Variants in COL4A2 observed in about 807,000 individuals in gnomAD.
COL4A2 encodes the protein collagen alpha-2(IV) chain.
Under a neutral mutation model 200.2 loss-of-function variants are expected in COL4A2, and 99 were observed. The observed-to-expected ratio is 0.49, with a 90% CI of 0.42 to 0.58. The LOEUF (loss-of-function observed/expected upper bound fraction) is 0.58. Among genes scored for constraint, COL4A2 ranks in the 20% least tolerant of loss-of-function variants. The pLI is 0.00. For synonymous variants in COL4A2, 897 were observed against 900.6 expected (o/e 1.00, Z 0.07); for missense variants, 1,950 against 2,314.1 (o/e 0.84, Z 3.23).
intron 25 of COL4A2, among the ~76,000 whole-genome samples, 164 bp from the exon 26 acceptor site, chr13:110,465,839 G>A (rs149570755): frequency 5.3e-5 from 8 of 152,286 alleles, no homozygotes; most frequent in Non-Finnish European, 8.8e-5. Flanking sequence ...GGCCTTGCCC[G>A]GAAGTTCAGA....
chr13:110,319,451 A>G (rs978724921), intron 3 of COL4A2, among the ~76,000 whole-genome samples: 2 of 152,236 alleles, frequency 1.3e-5, no homozygotes, highest in African/African-American at 4.8e-5. Flanking sequence ...GCAACATGAC[A>G]TAAAAATGCA....
intron 4 of COL4A2, among the ~76,000 whole-genome samples, chr13:110,408,529 G>C (rs1298461448): frequency 6.6e-6 from 1 of 152,224 alleles, no homozygotes; most frequent in Non-Finnish European, 1.5e-5. Context: ...GATGTGAGAG[G>C]TGTTGCCACT....
chr13:110,414,434 G>A (rs910576423), intron 4 of COL4A2, among the ~76,000 whole-genome samples: 4 of 152,224 alleles, frequency 2.6e-5, no homozygotes, highest in African/African-American at 9.6e-5. Flanking sequence ...CCCCGTTGTT[G>A]GTACTTTGGC....
At chr13:110,339,339 TC>T (rs1199678989) in intron 3 of COL4A2, among the ~76,000 whole-genome samples, 1 of 152,220 alleles carries the variant, frequency 6.6e-6, no homozygotes, top group Admixed American at 6.5e-5. Flanking sequence ...ATGGAGGGAA[TC>T]ACTGGTGCTT....
intron 3 of COL4A2, among the ~76,000 whole-genome samples, chr13:110,320,700 G>A (rs1885253297): frequency 6.6e-6 from 1 of 152,180 alleles, no homozygotes; most frequent in Non-Finnish European, 1.5e-5. Context: ...GAAAATAAGT[G>A]TATTTAAAAG....
intron 3 of COL4A2, among the ~76,000 whole-genome samples, chr13:110,315,567 C>T (rs529717479): frequency 1.2e-4 from 19 of 152,206 alleles, no homozygotes; most frequent in African/African-American, 2.2e-4. Flanking sequence ...AGCTAACTTA[C>T]GTATTTTTAG....
rs117002670 is a variant in COL4A2, at chr13:110,342,758, C to T, written c.100-14714C>T. On this transcript the variant is annotated intron_variant, in intron 3 of 47. Coordinates refer to ENST00000360467, the MANE Select transcript of COL4A2 (RefSeq NM_001846.4). ...CAAAGCAAATCAAGTTTCTCCCAAA[C>T]ACAGTGCCATTCAGAGCAAACCAAA... 8.8e-3 allele frequency among the ~76,000 whole-genome samples: 1,341 copies of T among 152,300 alleles called. 15 individuals are homozygous for T. The highest frequency in any genetic ancestry group is 0.015 in the Non-Finnish European group (1,010 of 68,020).
chr13:110,459,730 T>C (rs1409383810), intron 22 of COL4A2: 2 of 152,234 alleles, frequency 1.3e-5, no homozygotes, highest in Non-Finnish European at 2.9e-5. Context: ...CTTTGTGCTA[T>C]ATGAATTATA....
chr13:110,398,104 T>TC (rs1879245147), intron 4 of COL4A2, among the ~76,000 whole-genome samples: 1 of 151,172 alleles, frequency 6.6e-6, no homozygotes, highest in Admixed American at 6.6e-5. Flanking sequence ...GATTTTTTCT[T>TC]TTTTTTTTTC....
chr13:110,507,895 G>C lies in COL4A2; in HGVS notation c.4595-40G>C, dbSNP rs73618169. The C allele has an allele frequency of 4.6e-3, 7,271 of 1,594,920 alleles. 213 individuals carry two copies. In the African/African-American group the frequency reaches 0.08, roughly 17 times the overall value. ...CTGGGGCTGGCAGGTGCGTCTTCTA[G>C]CCACACTGCACTGTGATCTCATGAC... On this transcript the variant is annotated intron_variant, in intron 46 of 47. Transcript: ENST00000360467.
At position 110,356,896 on chromosome 13, in the gene COL4A2, G is replaced by T. The variant is rs189267821; in HGVS notation, c.100-576G>T. Among the ~76,000 whole-genome samples the T allele has an allele frequency of 2.0e-3, 298 of 151,990 alleles. 2 individuals carry two copies. The Middle Eastern group carries it at 0.02, about 10-fold the overall frequency. On this transcript the variant is annotated intron_variant, in intron 3 of 47. Transcript: ENST00000360467. Reference sequence around the variant, plus strand: ...TTTTCCTGCCTCAGCCTCCTAAGTAGCTGGGAATACCGGTGCCTGCCACCA... The same window carrying T: ...TTTTCCTGCCTCAGCCTCCTAAGTATCTGGGAATACCGGTGCCTGCCACCA...
intron 3 of COL4A2, among the ~76,000 whole-genome samples, chr13:110,320,799 A>C (rs1885255715): frequency 6.6e-6 from 1 of 152,176 alleles, no homozygotes; most frequent in South Asian, 2.1e-4. Flanking sequence ...CTCTTCTTTC[A>C]ACACTTCTAG....
rs1315722502 is a variant in COL4A2 at position 110,408,844 on chromosome 13, CACATATACACACAT to C, written c.181-15886_181-15873del. The stretch of plus-strand genomic sequence containing the variant: ...ACACATGCACACACACATACACGCA[CACATATACACACAT>C]ACACGCACATATACACATGGACACG... On this transcript the variant is annotated intron_variant, in intron 4 of 47. Coordinates refer to ENST00000360467, the MANE Select transcript of COL4A2 (RefSeq NM_001846.4). 1.4e-4 allele frequency among the ~76,000 whole-genome samples: 10 copies of C among 69,142 alleles called. No homozygotes were observed. In the East Asian group the frequency reaches 5.4e-3, roughly 37 times the overall value. The allele number at this position is 69,142 out of a possible 152,430, so 45.4% of individuals were successfully genotyped here.
chr13:110,370,275 G>A (rs1037386136), intron 4 of COL4A2, among the ~76,000 whole-genome samples: 6 of 150,156 alleles, frequency 4.0e-5, no homozygotes, highest in African/African-American at 1.5e-4. Flanking sequence ...GTTTTGTTTT[G>A]TTTTTTGAGA....
At position 110,389,307 on chromosome 13, in the gene COL4A2, C is replaced by G. The variant is rs150876422; in HGVS notation, c.180+31755C>G. 4.7e-3 allele frequency among the ~76,000 whole-genome samples: 716 copies of G among 152,280 alleles called. 4 individuals carry two copies. Among genetic ancestry groups the G allele is most frequent in the Middle Eastern group, 0.01 (3 of 294 alleles). On this transcript the variant is annotated intron_variant, in intron 4 of 47. Coordinates refer to ENST00000360467, the MANE Select transcript of COL4A2 (RefSeq NM_001846.4). ...TTTCGTGTCTGTAAAGTACCATCAC[C>G]CTTTTCTATAAAGTAGTGCATCATG... is the stretch of plus-strand genomic sequence containing the variant.
chr13:110,505,787 G>A (rs1883841134), intron 45 of COL4A2, among the ~76,000 whole-genome samples: 1 of 152,126 alleles, frequency 6.6e-6, no homozygotes, highest in Non-Finnish European at 1.5e-5. Flanking sequence ...TCCTGGAAGT[G>A]TCCAGCGGAG....
chr13:110,430,889 CT>C (rs1163646189), intron 10 of COL4A2: 5 of 636,960 alleles, frequency 7.8e-6, no homozygotes, highest in Non-Finnish European at 1.5e-5. Flanking sequence ...CACCCCATAC[CT>C]ACCCAGTGAC....
At chr13:110,468,802 G>A (rs1380550610) in intron 27 of COL4A2, among the ~76,000 whole-genome samples, 1 of 152,200 alleles carries the variant, frequency 6.6e-6, no homozygotes, top group East Asian at 1.9e-4. Flanking sequence ...GGATTCAAGT[G>A]TTTGAAAAGA....
intron 40 of COL4A2, among the ~76,000 whole-genome samples, chr13:110,499,702 A>C (rs1297047881): frequency 6.6e-6 from 1 of 152,198 alleles, no homozygotes; most frequent in Non-Finnish European, 1.5e-5. Flanking sequence ...AGTACTTAGG[A>C]CGATCCATGG....
Sources: gnomAD v4.1 joint callset for allele counts (sites outside exome capture counted in the v4.1 genomes callset) on GRCh38, gnomAD v4.1.1 for gene constraint, MANE v1.5 for transcripts, NCBI Gene and HGNC (gene_info 2026-07-23, HGNC 2026-07-21) for gene names.